RBFOX2: variants seen among roughly 807,000 people sequenced by gnomAD.
RBFOX2 encodes the protein RNA binding fox-1 homolog 2, also known as RNA binding protein fox-1 homolog 2.
Under a neutral mutation model 49.1 loss-of-function variants are expected in RBFOX2, and 10 were observed. That is an observed-to-expected ratio of 0.20 (90% confidence interval 0.13 to 0.35). RBFOX2 has a LOEUF of 0.35. RBFOX2 is among the 10% of genes least tolerant of loss of function. The pLI, the probability that RBFOX2 is intolerant of heterozygous loss-of-function variation, is 1.00. For missense variants in RBFOX2, 323 were observed against 486.9 expected (o/e 0.66, Z 3.17); for synonymous variants, 183 against 187.4 (o/e 0.98, Z 0.19).
At chr22:35,979,309 C>T (rs904838931) in intron 1 of RBFOX2, among the ~76,000 whole-genome samples, 5 of 152,088 alleles carry the variant, frequency 3.3e-5, no homozygotes, top group African/African-American at 1.2e-4. Context: ...GACAAGATAC[C>T]GGACCAAAAA....
At chr22:35,844,495 TA>T (rs1438914270), upstream of RBFOX2, among the ~76,000 whole-genome samples, 1 of 152,084 alleles carries the variant, frequency 6.6e-6, no homozygotes, top group African/African-American at 2.4e-5. Context: ...TTTATAAATT[TA>T]CTTCACTTTT....
At chr22:35,931,780 A>G (rs1375415044) in intron 1 of RBFOX2, among the ~76,000 whole-genome samples, 1 of 152,194 alleles carries the variant, frequency 6.6e-6, no homozygotes, top group African/African-American at 2.4e-5. Context: ...ATCTCAAAAA[A>G]ATAAAGGCAT....
At chr22:35,760,180 T>C (rs1938279771) in intron 8 of RBFOX2, 160 bp from the exon 10 acceptor site, 1 of 889,186 alleles carries the variant, frequency 1.1e-6, no homozygotes, top group Admixed American at 2.6e-5. Flanking sequence ...CTACCCTGGG[T>C]CTCTCAGTGG....
intron 1 of RBFOX2, among the ~76,000 whole-genome samples, chr22:35,823,165 C>T (rs1954909697): frequency 6.6e-6 from 1 of 152,172 alleles, no homozygotes; most frequent in African/African-American, 2.4e-5. Context: ...TGGCATAGTA[C>T]TTGCTGACTA....
chr22:35,939,180 G>A, upstream of RBFOX2: 1 of 596,318 alleles, frequency 1.7e-6, no homozygotes, highest in East Asian at 3.6e-5. Flanking sequence ...GGGTGCTACT[G>A]CGACTGGGGT....
intron 1 of RBFOX2, among the ~76,000 whole-genome samples, chr22:35,948,781 T>G (rs1236448156): frequency 6.6e-6 from 1 of 152,218 alleles, no homozygotes; most frequent in Non-Finnish European, 1.5e-5. Flanking sequence ...AAATATTCTT[T>G]GCAGTTTCCT....
chr22:35,876,952 T>C (rs956124108), intron 1 of RBFOX2, among the ~76,000 whole-genome samples: 37 of 152,360 alleles, frequency 2.4e-4, no homozygotes, highest in African/African-American at 8.7e-4. Context: ...CAGATCACCT[T>C]GCACGTTGGT....
intron 1 of RBFOX2, among the ~76,000 whole-genome samples, chr22:35,875,609 T>C (rs190463375): frequency 1.1e-3 from 12 of 11,068 alleles, no homozygotes; most frequent in Middle Eastern, 0.062. Flanking sequence ...CTCACAAGGG[T>C]GTGTGTGTGT....
intron 1 of RBFOX2, among the ~76,000 whole-genome samples, chr22:35,906,149 A>C (rs185374405): frequency 3.1e-4 from 47 of 152,330 alleles, no homozygotes; most frequent in Admixed American, 3.0e-3. Flanking sequence ...TTAAGTGGAA[A>C]AAAGAAAGGT....
chr22:35,821,983 C>CCTT (rs1569267541), intron 1 of RBFOX2: 5 of 518,674 alleles, frequency 9.6e-6, no homozygotes, highest in South Asian at 7.0e-5. Context: ...CTCTACACAA[C>CCTT]CTTCCTGAAG....
Position 35,951,349 on chromosome 22 carries a change from G to T in RBFOX2, c.42+10214C>A, listed in dbSNP as rs182576687. 2.4e-3 allele frequency among the ~76,000 whole-genome samples: 334 copies of T among 140,712 alleles called. 5 individuals carry two copies. The highest frequency in any genetic ancestry group is 4.5e-3 in the Middle Eastern group (1 of 224). 92.3% of individuals were successfully genotyped at this position (140,712 alleles called of 152,430 possible). ...CAACCTCCACCTTCCGGGTTCAAGC[G>T]ATTCTCCTGCCTCAGCCTCCTGAGT... On this transcript the variant is annotated intron_variant, in intron 1 of 5. Transcript: ENST00000408983.
chr22:35,947,002 G>A (rs568181151), intron 1 of RBFOX2, among the ~76,000 whole-genome samples: 15 of 152,264 alleles, frequency 9.9e-5, no homozygotes, highest in Middle Eastern at 6.8e-3. Flanking sequence ...GACCAGCCTG[G>A]CCAACATGGC....
intron 1 of RBFOX2, among the ~76,000 whole-genome samples, chr22:35,825,144 CAGG>C (rs1329220979): frequency 6.6e-5 from 10 of 152,180 alleles, no homozygotes; most frequent in Non-Finnish European, 5.9e-5. Flanking sequence ...TGCTTGAACC[CAGG>C]AGGCGGAGGT....
intron 2 of RBFOX2, among the ~76,000 whole-genome samples, chr22:35,787,259 A>G (rs2147336103): frequency 6.6e-6 from 1 of 152,188 alleles, no homozygotes; most frequent in Non-Finnish European, 1.5e-5. Flanking sequence ...GGCTGGTTTG[A>G]ACTCCTGAGC....
chr22:35,748,805 G>A (rs555189062), intron 9 of RBFOX2, among the ~76,000 whole-genome samples: 1 of 152,334 alleles, frequency 6.6e-6, no homozygotes, highest in East Asian at 1.9e-4. Context: ...ATGCCATACG[G>A]CAGAGGTATA....
chr22:35,817,433 C>T (rs1465107136), intron 1 of RBFOX2, among the ~76,000 whole-genome samples: 10 of 151,714 alleles, frequency 6.6e-5, no homozygotes, highest in Non-Finnish European at 1.2e-4. Context: ...GCCAAGATCG[C>T]GCCACTGCAC....
chr22:35,745,175 C>T (rs1016136110), intron 11 of RBFOX2, among the ~76,000 whole-genome samples: 16 of 152,210 alleles, frequency 1.1e-4, no homozygotes, highest in African/African-American at 3.9e-4. Context: ...CAACTCTACC[C>T]ATGTCCAGAG....
chr22:35,755,956 AAT>A (rs148877037), intron 9 of RBFOX2, 147 bp downstream of exon 11: 22,111 of 314,252 alleles, frequency 0.07, 1 homozygote, highest in East Asian at 0.11. Flanking sequence ...TAAATATATA[AAT>A]ATATATATAT....
intron 1 of RBFOX2, among the ~76,000 whole-genome samples, chr22:35,848,194 A>T (rs2041461554): frequency 6.6e-6 from 1 of 152,160 alleles, no homozygotes; most frequent in African/African-American, 2.4e-5. Flanking sequence ...AAGCACATTA[A>T]TATTTACTTG....
Sources: gnomAD v4.1 joint callset for allele counts (sites outside exome capture counted in the v4.1 genomes callset) on GRCh38, gnomAD v4.1.1 for gene constraint, MANE v1.5 for transcripts, NCBI Gene and HGNC (gene_info 2026-07-23, HGNC 2026-07-21) for gene names.